YTHDF2: variants seen among roughly 807,000 people sequenced by gnomAD.
YTHDF2 encodes the protein YTH N6-methyladenosine RNA binding protein F2.
Under a neutral mutation model 50.4 loss-of-function variants are expected in YTHDF2, and 2 were observed. The ratio of observed to expected loss-of-function variants is 0.04; its 90% CI spans 0.02 to 0.12. The LOEUF (loss-of-function observed/expected upper bound fraction) is 0.12. YTHDF2 is among the 10% of genes least tolerant of loss of function. YTHDF2 has a pLI of 1.00. For synonymous variants in YTHDF2, 217 were observed against 255.6 expected, an observed-to-expected ratio of 0.85 and a Z score of 1.44; for missense variants, 483 against 722.6, an observed-to-expected ratio of 0.67 and a Z score of 3.80.
intron 4 of YTHDF2, among the ~76,000 whole-genome samples, chr1:28,766,641 C>G (rs1212554882): frequency 3.3e-5 from 5 of 152,010 alleles, no homozygotes; most frequent in Non-Finnish European, 7.4e-5. Flanking sequence ...TAACTTGTTT[C>G]TCATCAAACT....
chr1:28,738,368 C>A (rs748501733), intron 3 of YTHDF2, 30 bp downstream of exon 3: 10 of 1,534,938 alleles, frequency 6.5e-6, no homozygotes, highest in African/African-American at 1.4e-5. Flanking sequence ...CATATCTAAT[C>A]GAAGGGTGTG....
chr1:28,738,262 A>C lies in YTHDF2; in HGVS notation c.56A>C (p.Gln19Pro). 2 of 1,613,910 alleles carry C rather than the reference A, an allele frequency of 1.2e-6. No homozygotes were observed. Among genetic ancestry groups the C allele is most frequent in the Middle Eastern group, 1.6e-4 (1 of 6,062 alleles). The change falls in exon 3 of 5, where the codon CAA becomes CCA. Residue 19 changes from glutamine to proline, a missense_variant. By Grantham distance (76) the Gln-to-Pro change is moderately conservative. Around this residue, in one of 4 missense-constraint regions of YTHDF2, gnomAD observed 385 missense variants for 475.8 expected, o/e 0.81. Transcript: ENST00000373812. ...QRPKGQGNKVQNGSVHQKDGL... is the reference protein window; with the variant it reads ...QRPKGQGNKVPNGSVHQKDGL... The stretch of plus-strand genomic sequence containing the variant: ...AATTGAATTTTTTTTTCTTTAGTAC[A>C]AAATGGATCTGTACATCAAAAGGAT...
rs1425545850 is a variant in YTHDF2 at position 28,751,676 on chromosome 1, A to G, written c.1716+7690A>G. Among the ~76,000 whole-genome samples, 12 of 152,302 alleles carry G rather than the reference A, an allele frequency of 7.9e-5. No homozygotes were observed. The East Asian group carries it at 2.1e-3, about 27-fold the overall frequency. ...TCTCTGAACCATGCCCCTTGTATCT[A>G]TCTTTCAACAAACGTTTGTGTTAAT... On this transcript the variant is annotated intron_variant, in intron 4 of 4. Coordinates refer to ENST00000373812, the MANE Select transcript of YTHDF2 (RefSeq NM_016258.3).
chr1:28,761,997 CTTAT>C (rs1297455786), intron 4 of YTHDF2, among the ~76,000 whole-genome samples: 7 of 152,198 alleles, frequency 4.6e-5, no homozygotes, highest in Non-Finnish European at 1.0e-4. Context: ...AGTCATTAGA[CTTAT>C]TTAACTTATT....
Position 28,743,125 on chromosome 1 carries a change from A to G in YTHDF2, c.855A>G (p.Ala285=), listed in dbSNP as rs1160876978. The G allele has an allele frequency of 2.5e-6, 4 of 1,614,084 alleles. No homozygotes were observed. The African/African-American group carries it at 5.3e-5, about 22-fold the overall frequency. The part of the protein sequence containing the change: ...IGTWDNKGPV[A]KAPSQALVQN... ...CTTGGGATAACAAGGGTCCCGTTGC[A>G]AAAGCCCCCTCACAGGCTTTGGTTC... The change falls in exon 4 of 5, where the codon GCA becomes GCG. Residue 285 remains alanine (A), a synonymous_variant. Transcript: ENST00000373812. This position sits in a 1 kb window ranked among gnomAD's most constrained non-coding sequence, Gnocchi z 6.9.
chr1:28,758,643 G>A (rs1308075150), intron 4 of YTHDF2, among the ~76,000 whole-genome samples: 4 of 152,190 alleles, frequency 2.6e-5, no homozygotes, highest in African/African-American at 4.8e-5. Context: ...AATGCACAGC[G>A]ACAGGTTATC....
At chr1:28,758,188 C>G (rs1034556168) in intron 4 of YTHDF2, among the ~76,000 whole-genome samples, 2 of 151,980 alleles carry the variant, frequency 1.3e-5, no homozygotes, top group Admixed American at 1.3e-4. Flanking sequence ...AGTTGGAGAC[C>G]AGCATGGGCA....
intron 3 of YTHDF2, among the ~76,000 whole-genome samples, chr1:28,741,118 C>T (rs1323617349): frequency 2.0e-5 from 3 of 152,266 alleles, no homozygotes; most frequent in African/African-American, 7.2e-5. Context: ...CCACCTTAGC[C>T]TCCTGAGTAG....
At chr1:28,756,845 T>C (rs753484374) in intron 4 of YTHDF2, among the ~76,000 whole-genome samples, 2 of 152,200 alleles carry the variant, frequency 1.3e-5, no homozygotes, top group Non-Finnish European at 2.9e-5. Flanking sequence ...ACTGTTCTTA[T>C]AGTTCCTTAG....
intron 3 of YTHDF2, 41 bp downstream of exon 3, chr1:28,738,379 GTA>G (rs1190200814): frequency 6.8e-7 from 1 of 1,480,786 alleles, no homozygotes; most frequent in Non-Finnish European, 9.4e-7. Context: ...GAAGGGTGTG[GTA>G]TATTCTTTCT....
At chr1:28,741,947 T>C (rs2087783079) in intron 3 of YTHDF2, among the ~76,000 whole-genome samples, 1 of 152,230 alleles carries the variant, frequency 6.6e-6, no homozygotes, top group African/African-American at 2.4e-5. Flanking sequence ...CTGTATCAGC[T>C]TAACTTTAAA....
chr1:28,766,929 C>T (rs2088228205), intron 4 of YTHDF2, among the ~76,000 whole-genome samples: 1 of 151,142 alleles, frequency 6.6e-6, no homozygotes, highest in Non-Finnish European at 1.5e-5. Flanking sequence ...ACCTCCTGTG[C>T]TTAAGCCATC....
intron 2 of YTHDF2, 32 bp downstream of exon 2, chr1:28,737,714 G>A (rs1008125205): frequency 2.5e-6 from 4 of 1,611,990 alleles, no homozygotes; most frequent in Non-Finnish European, 2.5e-6. Flanking sequence ...GCCCTGAGCC[G>A]GGAGGGGGAC....
chr1:28,767,085 T>A (rs940686714), intron 4 of YTHDF2, among the ~76,000 whole-genome samples: 3 of 151,724 alleles, frequency 2.0e-5, no homozygotes, highest in African/African-American at 7.3e-5. Context: ...CAAGCAGTCT[T>A]ATCTGCCTTG....
rs1216218520 is a variant in YTHDF2, at chr1:28,737,064, CCGCCG to C, written c.-55_-51del. On this transcript the variant is annotated 5_prime_UTR_variant, in exon 1 of 5. Coordinates refer to ENST00000373812, the MANE Select transcript of YTHDF2 (RefSeq NM_016258.3). ...TCCCGCAGACGGGGCTCATCTGCCG[CCGCCG>C]CCGCGCTGAGGAGAGTTCGCCGCCG... The C allele has an allele frequency of 5.8e-6, 9 of 1,558,106 alleles. No individual in the cohort carries two copies. In the Admixed American group the frequency reaches 1.7e-4, roughly 30 times the overall value.
rs757673523 is a variant in YTHDF2, at chr1:28,742,823, A to G, written c.553A>G (p.Ile185Val). The change falls in exon 4 of 5, where the codon ATA becomes GTA. Residue 185 changes from isoleucine to valine, a missense_variant. Coordinates refer to ENST00000373812, the MANE Select transcript of YTHDF2 (RefSeq NM_016258.3). ...CAATAAGGCTCCTGGCATGAATACT[A>G]TAGACCAAGGGATGGCAGCACTGAA... ...TLNKAPGMNT[I>V]DQGMAALKLG... is the part of the protein sequence containing the mutation. 46 of 1,614,050 alleles carry G rather than the reference A, an allele frequency of 2.8e-5. No individual in the cohort carries two copies. Among genetic ancestry groups the G allele is most frequent in the South Asian group, 8.8e-5 (8 of 91,082 alleles).
chr1:28,764,927 T>C (rs577510070), intron 4 of YTHDF2, among the ~76,000 whole-genome samples: 6 of 152,154 alleles, frequency 3.9e-5, no homozygotes, highest in Non-Finnish European at 8.8e-5. Flanking sequence ...GCAGTGACTA[T>C]TCACAGCTGT....
At chr1:28,768,152 C>T (rs545734238) in intron 4 of YTHDF2, among the ~76,000 whole-genome samples, 2 of 151,958 alleles carry the variant, frequency 1.3e-5, no homozygotes, top group African/African-American at 2.4e-5. Context: ...GAGCGAAGAT[C>T]GCGCCATTGT....
chr1:28,751,281 T>C (rs1180794677), intron 4 of YTHDF2, among the ~76,000 whole-genome samples: 2 of 151,944 alleles, frequency 1.3e-5, no homozygotes, highest in Non-Finnish European at 2.9e-5. Context: ...TTCTGTGATA[T>C]AAAAGAGGAA....
Sources: allele counts gnomAD v4.1 joint callset (sites outside exome capture counted in the v4.1 genomes callset), GRCh38; gene constraint gnomAD v4.1.1; regional missense constraint gnomAD v4.1.1; non-coding constraint Gnocchi (gnomAD v3.1); transcripts MANE v1.5; gene names NCBI Gene and HGNC (gene_info 2026-07-23, HGNC 2026-07-21).